ERCC8: variants seen among roughly 807,000 people sequenced by gnomAD.
ERCC8 encodes the protein DNA excision repair protein ERCC-8.
Under a neutral mutation model 54.9 loss-of-function variants are expected in ERCC8, and 52 were observed. That is an observed-to-expected ratio of 0.95 (90% CI 0.76 to 1.19). The LOEUF (loss-of-function observed/expected upper bound fraction) is 1.19. Among genes scored for constraint, ERCC8 ranks in the 50% most tolerant of loss-of-function variants. The pLI, the probability that ERCC8 is intolerant of heterozygous loss-of-function variation, is 0.00. For missense variants in ERCC8, 514 were observed against 466.1 expected (o/e 1.10, Z -0.95); for synonymous variants, 146 against 157.2 (o/e 0.93, Z 0.53).
chr5:60,929,491 G>A (rs566797017), intron 1 of ERCC8, among the ~76,000 whole-genome samples: 2 of 152,238 alleles, frequency 1.3e-5, no homozygotes, highest in South Asian at 4.2e-4. Context: ...GGAGACTGAG[G>A]CAGGAGGATT....
rs565979397 is a variant in ERCC8, at chr5:60,938,709, A to C, written c.77+6223T>G. Among the ~76,000 whole-genome samples, 129 of 152,340 alleles carry C rather than the reference A, an allele frequency of 8.5e-4. 1 individual carries two copies. Among genetic ancestry groups the C allele is most frequent in the South Asian group, 2.7e-3 (13 of 4,832 alleles). ...AACAATTTTGGTAAATGTACCACTGACTTACAAAAAGTATGTACGTTCTCC... is the reference window on the plus strand; with the variant it reads ...AACAATTTTGGTAAATGTACCACTGCCTTACAAAAAGTATGTACGTTCTCC... On this transcript the variant is annotated intron_variant, in intron 1 of 11. Transcript: ENST00000676185.
chr5:60,866,912 T>C lies in ERCC8; in HGVS notation c.*7703A>G, dbSNP rs1434752584. The C allele has an allele frequency of 6.6e-6, 1 of 152,112 alleles. No homozygotes were observed. Among genetic ancestry groups the C allele is most frequent in the African/African-American group, 2.4e-5 (1 of 41,434 alleles). The allele number at this position is 152,112 out of a possible 1,614,324, so 9.4% of individuals were successfully genotyped here. On this transcript the variant is annotated 3_prime_UTR_variant, in exon 12 of 12. Transcript: ENST00000676185. ...CAGGCCGGAGTGCAGTGGCGCAATC[T>C]CGGCTTACTGCAAGCGCTGCCTCCG...
At chr5:60,923,131 A>C (rs1749649003) in intron 2 of ERCC8, among the ~76,000 whole-genome samples, 1 of 152,100 alleles carries the variant, frequency 6.6e-6, no homozygotes, top group Non-Finnish European at 1.5e-5. Context: ...AGGGTGCTAA[A>C]AAATTAGCAG....
intron 11 of ERCC8, among the ~76,000 whole-genome samples, chr5:60,881,573 C>T (rs1205479544): frequency 1.3e-5 from 2 of 152,238 alleles, no homozygotes; most frequent in Non-Finnish European, 2.9e-5. Flanking sequence ...GCGCCCCTCC[C>T]CCAGCCTGGC....
At chr5:60,904,928 ATAAATTTTCT>A in intron 4 of ERCC8, 55 bp from the exon 5 acceptor site, 1 of 902,356 alleles carries the variant, frequency 1.1e-6, no homozygotes, top group East Asian at 2.5e-5. Flanking sequence ...AAACAAAGCA[ATAAATTTTCT>A]ATTTACTTTT....
Position 60,896,049 on chromosome 5 carries a change from T to A in ERCC8, c.843+2227A>T, listed in dbSNP as rs193279626. Among the ~76,000 whole-genome samples, 523 of 152,058 alleles carry A rather than the reference T, an allele frequency of 3.4e-3. 14 individuals carry two copies. Among genetic ancestry groups the A allele is most frequent in the East Asian group, 7.2e-3 (37 of 5,170 alleles). On this transcript the variant is annotated intron_variant, in intron 9 of 11. Transcript: ENST00000676185. ...TTGCCCAGGCTGCAGTGCAATGGCA[T>A]GCTCTCGGCTCACCGCAACCTCTGC... is the stretch of plus-strand genomic sequence containing the variant.
At chr5:60,940,095 CTT>C (rs1247794709) in intron 1 of ERCC8, among the ~76,000 whole-genome samples, 4 of 152,150 alleles carry the variant, frequency 2.6e-5, no homozygotes, top group Non-Finnish European at 5.9e-5. Flanking sequence ...CTCCTAATCT[CTT>C]ATCATTTTCA....
chr5:60,903,918 C>T (rs1205905062), intron 5 of ERCC8, among the ~76,000 whole-genome samples: 1 of 151,858 alleles, frequency 6.6e-6, no homozygotes, highest in East Asian at 1.9e-4. Flanking sequence ...AGTAAGAGAC[C>T]TCTATTATTA....
chr5:60,906,144 G>A (rs958050056), intron 4 of ERCC8, among the ~76,000 whole-genome samples: 4 of 152,180 alleles, frequency 2.6e-5, no homozygotes, highest in Admixed American at 2.0e-4. Flanking sequence ...ATAATGGCTG[G>A]CAATCATTTA....
intron 9 of ERCC8, chr5:60,891,941 C>T (rs971693534): frequency 1.2e-5 from 6 of 520,774 alleles, no homozygotes; most frequent in Non-Finnish European, 2.3e-5. Context: ...TAGTTACCAA[C>T]ACTGCCATCA....
chr5:60,893,138 T>A (rs139440197), intron 9 of ERCC8: 2 of 831,958 alleles, frequency 2.4e-6, no homozygotes, highest in Admixed American at 1.8e-5. Context: ...CCTCCCCCAT[T>A]TGGAAGCAGC....
chr5:60,942,653 G>C (rs541848400), intron 1 of ERCC8, among the ~76,000 whole-genome samples: 1 of 152,232 alleles, frequency 6.6e-6, no homozygotes, highest in East Asian at 1.9e-4. Flanking sequence ...AGAAAGAAGG[G>C]AGACAGGGAT....
chr5:60,930,820 A>G (rs1362118150), intron 1 of ERCC8, among the ~76,000 whole-genome samples: 1 of 152,120 alleles, frequency 6.6e-6, no homozygotes, highest in African/African-American at 2.4e-5. Flanking sequence ...TAATATAAAA[A>G]GCCAGGCCGG....
chr5:60,914,789 T>TAAAAAAAAAAAA (rs55638584), intron 4 of ERCC8, among the ~76,000 whole-genome samples: 1 of 121,346 alleles, frequency 8.2e-6, no homozygotes, highest in Non-Finnish European at 1.7e-5. Context: ...TCTTGTCTCT[T>TAAAAAAAAAAAA]AAAAAAAAAA....
intron 1 of ERCC8, among the ~76,000 whole-genome samples, chr5:60,936,403 C>T (rs1310334352): frequency 6.6e-6 from 1 of 152,110 alleles, no homozygotes; most frequent in Admixed American, 6.6e-5. Context: ...CAGATCTTCT[C>T]TCTTCTTTTG....
intron 1 of ERCC8, among the ~76,000 whole-genome samples, chr5:60,935,346 T>C (rs1013381990): frequency 6.6e-6 from 1 of 152,224 alleles, no homozygotes; most frequent in Non-Finnish European, 1.5e-5. Context: ...TTGGTCACTG[T>C]TGGTGTATAG....
chr5:60,920,816 T>TGTAGCAC (rs371862984), intron 3 of ERCC8, among the ~76,000 whole-genome samples: 19 of 151,936 alleles, frequency 1.3e-4, no homozygotes, highest in African/African-American at 4.3e-4. Context: ...CGGAATATTA[T>TGTAGCAC]GTAGCACGTA....
intron 1 of ERCC8, among the ~76,000 whole-genome samples, chr5:60,938,112 G>A (rs746153976): frequency 1.7e-5 from 2 of 120,464 alleles, no homozygotes; most frequent in Admixed American, 1.0e-4. Flanking sequence ...TTTAGGTTAC[G>A]AAGTTTCATT....
At chr5:60,923,580 T>C (rs1749662973) in intron 2 of ERCC8, among the ~76,000 whole-genome samples, 1 of 152,146 alleles carries the variant, frequency 6.6e-6, no homozygotes, top group Admixed American at 6.5e-5. Context: ...AGGATATTCT[T>C]GAAATGTGCA....
Sources: allele counts gnomAD v4.1 joint callset (sites outside exome capture counted in the v4.1 genomes callset), GRCh38; gene constraint gnomAD v4.1.1; transcripts MANE v1.5; gene names NCBI Gene and HGNC (gene_info 2026-07-23, HGNC 2026-07-21).